Variants in FGD6 observed in about 807,000 individuals in gnomAD.
The protein encoded by FGD6 is FYVE, RhoGEF and PH domain-containing protein 6.
Under a neutral mutation model 149.4 loss-of-function variants are expected in FGD6, and 90 were observed. The observed-to-expected ratio is 0.60, with a 90% confidence interval of 0.51 to 0.72. FGD6 has a LOEUF of 0.72. Ranked by LOEUF, FGD6 falls within the 30% of genes least tolerant of loss-of-function variation. The probability of loss-of-function intolerance (pLI) is 0.00; values close to 1 mark genes in which losing one functional copy is unlikely to be tolerated. For synonymous variants in FGD6, 527 were observed against 584.0 expected (o/e 0.90, Z 1.41); for missense variants, 1,437 against 1,684.8 (o/e 0.85, Z 2.57).
intron 8 of FGD6, among the ~76,000 whole-genome samples, chr12:95,128,222 C>T (rs1413469958): frequency 6.6e-6 from 1 of 152,126 alleles, no homozygotes; most frequent in Non-Finnish European, 1.5e-5. Flanking sequence ...CTGCTACTTG[C>T]ACTGAAGTCT....
chr12:95,121,023 A>T (rs2136248412), intron 8 of FGD6, among the ~76,000 whole-genome samples: 1 of 152,180 alleles, frequency 6.6e-6, no homozygotes, highest in Admixed American at 6.5e-5. Flanking sequence ...ATATTTTCTG[A>T]TGTGCTGTTT....
chr12:95,152,687 T>A, intron 5 of FGD6, 124 bp downstream of exon 5: 1 of 834,180 alleles, frequency 1.2e-6, no homozygotes, highest in Non-Finnish European at 1.9e-6. Flanking sequence ...TATCTACATA[T>A]ATGAAATACA....
chr12:95,154,096 A>AGC (rs1880396691), intron 3 of FGD6, among the ~76,000 whole-genome samples: 1 of 152,034 alleles, frequency 6.6e-6, no homozygotes, highest in Non-Finnish European at 1.5e-5. Flanking sequence ...AGTAGCTGGG[A>AGC]CTACAGGTGC....
rs201103965 is a variant in FGD6, at chr12:95,134,816, C to T, written c.3005G>A (p.Arg1002His). The T allele has an allele frequency of 2.2e-5, 36 of 1,612,524 alleles. No individual in the cohort carries two copies. The highest frequency in any genetic ancestry group is 5.3e-5 in the African/African-American group (4 of 74,866). ...GTGCTTGAGGGCCAGATTAGCACAG[C>T]GAGGGCTCATCTGAAAGGAGAAGGC... ...AVVREFEMSP[R>H]CANLALKHYL... Residue 1002 changes from arginine to histidine, a missense_variant, in exon 8 of 21, where the codon CGC becomes CAC. Transcript: ENST00000343958.
chr12:95,112,582 AGAGT>A (rs1178018138), intron 9 of FGD6, among the ~76,000 whole-genome samples: 1 of 152,092 alleles, frequency 6.6e-6, no homozygotes, highest in Non-Finnish European at 1.5e-5. Context: ...CCTGGGTGAC[AGAGT>A]GAGACTCTGT....
intron 3 of FGD6, among the ~76,000 whole-genome samples, chr12:95,161,350 G>C (rs993535605): frequency 6.6e-6 from 1 of 152,058 alleles, no homozygotes; most frequent in Non-Finnish European, 1.5e-5. Flanking sequence ...ACAAAAATTA[G>C]CCAGGCGTAG....
At chr12:95,187,666 A>C (rs923749008) in intron 2 of FGD6, among the ~76,000 whole-genome samples, 6 of 151,930 alleles carry the variant, frequency 3.9e-5, no homozygotes, top group Middle Eastern at 3.4e-3. Context: ...AAAAAAACAA[A>C]AAAAAAAAAG....
chr12:95,199,220 G>A (rs570560232), intron 2 of FGD6, among the ~76,000 whole-genome samples: 109 of 152,244 alleles, frequency 7.2e-4, no homozygotes, highest in African/African-American at 2.4e-3. Context: ...GGGCAAAGTC[G>A]ACAAGTCTTC....
intron 2 of FGD6, among the ~76,000 whole-genome samples, chr12:95,178,256 G>A (rs751881150): frequency 6.6e-6 from 1 of 152,064 alleles, no homozygotes; most frequent in Non-Finnish European, 1.5e-5. Flanking sequence ...CAACCGTCAC[G>A]TATGCACATC....
At chr12:95,110,794 A>AGCT (rs1410734907) in intron 9 of FGD6, among the ~76,000 whole-genome samples, 1 of 152,200 alleles carries the variant, frequency 6.6e-6, no homozygotes, top group East Asian at 1.9e-4. Context: ...TGGATGACAA[A>AGCT]GCTGCTGCTG....
At chr12:95,107,659 A>C in intron 11 of FGD6, 28 bp from the exon 12 acceptor site, 1 of 1,609,806 alleles carries the variant, frequency 6.2e-7, no homozygotes, top group Non-Finnish European at 8.5e-7. Flanking sequence ...ACACCCATTT[A>C]GTCCTACCAT....
intron 2 of FGD6, among the ~76,000 whole-genome samples, chr12:95,182,876 TC>T (rs1881324821): frequency 1.3e-5 from 2 of 152,218 alleles, no homozygotes; most frequent in African/African-American, 4.8e-5. Flanking sequence ...AAACAGCTCA[TC>T]CTTTGACTAC....
chr12:95,113,928 G>C (rs367768641), intron 8 of FGD6, among the ~76,000 whole-genome samples: 1 of 152,184 alleles, frequency 6.6e-6, no homozygotes, highest in East Asian at 1.9e-4. Flanking sequence ...TTATTTTAGA[G>C]ATGAGGAATC....
chr12:95,150,036 T>TACACACACAC (rs1880259237), intron 5 of FGD6, among the ~76,000 whole-genome samples: 1 of 120,648 alleles, frequency 8.3e-6, no homozygotes, highest in East Asian at 3.4e-4. Context: ...ACACACACTT[T>TACACACACAC]TTTTTTTTGA....
rs186209784 is a variant in FGD6 at position 95,081,605 on chromosome 12, G to A, written c.4257-49C>T. On this transcript the variant is annotated intron_variant, in intron 20 of 20. Transcript: ENST00000343958. ...GATTTGTAAAACCTAATCATCTGAC[G>A]TGTGAACACCATATAGATGACAGCT... is the stretch of plus-strand genomic sequence containing the variant. 66 of 1,372,240 alleles carry A rather than the reference G, an allele frequency of 4.8e-5. No individual in the cohort carries two copies. In the East Asian group the frequency reaches 6.5e-4, roughly 13 times the overall value. 85.0% of individuals were successfully genotyped at this position (1,372,240 alleles called of 1,614,324 possible). A position where few individuals can be genotyped will look rare whatever the true frequency, so the allele number is the denominator to read the frequency against.
In FGD6 at chr12:95,200,597, T is replaced by C. The variant is rs182705429; in HGVS notation, c.2441+8246A>G. On this transcript the variant is annotated intron_variant, in intron 2 of 20. Transcript: ENST00000343958. ...GAACCAAAAGGGGGCCTATAATAAA[T>C]GCAAACAAGAAGGGCTGAGAAACCT... Among the ~76,000 whole-genome samples, 411 of 152,248 alleles carry C rather than the reference T, an allele frequency of 2.7e-3. 3 individuals are homozygous for C. The highest frequency in any genetic ancestry group is 6.8e-3 in the Admixed American group (104 of 15,292).
chr12:95,174,503 A>G (rs187629408), intron 2 of FGD6, among the ~76,000 whole-genome samples: 62 of 152,286 alleles, frequency 4.1e-4, no homozygotes, highest in African/African-American at 1.4e-3. Context: ...TGCTGTAACA[A>G]AATCCCAGTC....
At chr12:95,081,685 ATTTTT>A in intron 20 of FGD6, 129 bp from the exon 21 acceptor site, 2 of 232,250 alleles carry the variant, frequency 8.6e-6, no homozygotes. Flanking sequence ...ATATATATGT[ATTTTT>A]TTTTTTTTTT....
chr12:95,096,166 C>T (rs1333282694), intron 14 of FGD6, among the ~76,000 whole-genome samples: 2 of 152,158 alleles, frequency 1.3e-5, no homozygotes, highest in Non-Finnish European at 2.9e-5. Flanking sequence ...TTTGCCCTAA[C>T]TTTAAGTATA....
Sources: allele counts gnomAD v4.1 joint callset (sites outside exome capture counted in the v4.1 genomes callset), GRCh38; gene constraint gnomAD v4.1.1; transcripts MANE v1.5; gene names NCBI Gene and HGNC (gene_info 2026-07-23, HGNC 2026-07-21).